Variants in AUTS2 observed in about 807,000 individuals in gnomAD.
AUTS2 encodes the protein autism susceptibility gene 2 protein.
In AUTS2, 17 loss-of-function variants were observed where a neutral mutation model predicts 112.4. That is an observed-to-expected ratio of 0.15 (90% CI 0.10 to 0.23). The LOEUF is 0.23. AUTS2 is among the 10% of genes least tolerant of loss of function. The pLI, the probability that AUTS2 is intolerant of heterozygous loss-of-function variation, is 1.00. For missense variants in AUTS2, 1,510 were observed against 1,701.6 expected, an observed-to-expected ratio of 0.89 and a Z score of 1.98; for synonymous variants, 751 against 702.7, an observed-to-expected ratio of 1.07 and a Z score of -1.09.
At chr7:70,600,206 T>C (rs62455836) in intron 5 of AUTS2, among the ~76,000 whole-genome samples, 3,476 of 152,362 alleles carry the variant, frequency 0.023, 53 homozygotes, top group South Asian at 0.038. Context: ...TCCATCTTAA[T>C]AATAAAATTC....
chr7:69,881,593 C>G (rs985555539), intron 1 of AUTS2, among the ~76,000 whole-genome samples: 4 of 152,106 alleles, frequency 2.6e-5, no homozygotes, highest in African/African-American at 9.7e-5. Flanking sequence ...TCTCTGGTAG[C>G]AGTTAACATG....
At chr7:70,004,390 T>C (rs1057440411) in intron 2 of AUTS2, among the ~76,000 whole-genome samples, 6 of 108,112 alleles carry the variant, frequency 5.5e-5, no homozygotes, top group Admixed American at 2.5e-4. Context: ...ATATATTATA[T>C]ATATGAATAT....
chr7:70,033,822 C>T (rs1025224337), intron 2 of AUTS2, among the ~76,000 whole-genome samples: 3 of 150,786 alleles, frequency 2.0e-5, no homozygotes, highest in East Asian at 2.0e-4. Context: ...CGTGGAGGGG[C>T]GGGGAGGATA....
rs1236216733 is a variant in AUTS2, at chr7:69,995,141, G to GT, written c.522+95650dup. ...TAGAGCCACCACTGATGGATCACAT[G>GT]TTTTTTTCTCAAGAGAGCAAACAAG... On this transcript the variant is annotated intron_variant, in intron 2 of 18. Coordinates refer to ENST00000342771, the MANE Select transcript of AUTS2 (RefSeq NM_015570.4). Among the ~76,000 whole-genome samples, 4 of 152,088 alleles carry GT rather than the reference G, an allele frequency of 2.6e-5. No homozygotes were observed. In the East Asian group the frequency reaches 5.8e-4, roughly 22 times the overall value.
chr7:69,809,717 C>T (rs1279806384), intron 1 of AUTS2, among the ~76,000 whole-genome samples: 1 of 152,164 alleles, frequency 6.6e-6, no homozygotes, highest in Non-Finnish European at 1.5e-5. Context: ...TCCATGATCA[C>T]ATACTGGAAT....
chr7:70,231,612 T>C (rs1263308767), intron 4 of AUTS2, among the ~76,000 whole-genome samples: 2 of 150,974 alleles, frequency 1.3e-5, no homozygotes, highest in Non-Finnish European at 3.0e-5. Context: ...CCAACTAATT[T>C]TTTTGTATTT....
chr7:70,736,042 G>C (rs915175922), intron 6 of AUTS2, among the ~76,000 whole-genome samples: 9 of 151,660 alleles, frequency 5.9e-5, no homozygotes, highest in African/African-American at 2.2e-4. Flanking sequence ...TATTATACGT[G>C]TGTGTGTGTA....
chr7:69,871,134 T>G (rs1793477665), intron 1 of AUTS2, among the ~76,000 whole-genome samples: 1 of 152,204 alleles, frequency 6.6e-6, no homozygotes, highest in Non-Finnish European at 1.5e-5. Context: ...AAGGAAGGAC[T>G]GAAAGGGACT....
intron 2 of AUTS2, among the ~76,000 whole-genome samples, chr7:69,951,728 T>C (rs1797034705): frequency 6.6e-6 from 1 of 152,192 alleles, no homozygotes; most frequent in Non-Finnish European, 1.5e-5. Context: ...GGACTTGCAC[T>C]GTGAAGTGTG....
At chr7:70,180,218 T>G (rs542633752) in intron 4 of AUTS2, among the ~76,000 whole-genome samples, 21 of 152,314 alleles carry the variant, frequency 1.4e-4, no homozygotes, top group African/African-American at 5.1e-4. Flanking sequence ...AAGAAAAATA[T>G]GAAAGGTTGA....
At chr7:70,257,477 C>G (rs570334278) in intron 4 of AUTS2, among the ~76,000 whole-genome samples, 1 of 152,062 alleles carries the variant, frequency 6.6e-6, no homozygotes, top group African/African-American at 2.4e-5. Context: ...GCTACCATGC[C>G]GAGCTAATTT....
rs901853759 is a variant in AUTS2, at chr7:69,854,296, C to A, written c.310-44990C>A. On this transcript the variant is annotated intron_variant, in intron 1 of 18. Transcript: ENST00000342771. ...GAGAAGTCAAGTGATTTGCTAAGGT[C>A]ACTTAGCTAGGGAGTGTTAAAACTG... Among the ~76,000 whole-genome samples, 4 of 152,112 alleles carry A rather than the reference C, an allele frequency of 2.6e-5. No individual in the cohort carries two copies. In the South Asian group the frequency reaches 8.3e-4, roughly 32 times the overall value.
At chr7:69,896,996 T>G (rs1650247294) in intron 1 of AUTS2, among the ~76,000 whole-genome samples, 1 of 152,212 alleles carries the variant, frequency 6.6e-6, no homozygotes, top group Non-Finnish European at 1.5e-5. Flanking sequence ...GTGATTTGAT[T>G]AGTATTTGTC....
chr7:69,899,321 G>T lies in AUTS2; in HGVS notation c.345G>T (p.Glu115Asp), dbSNP rs749437705. Reference protein sequence around the residue: ...DVALKPQERVEKRQTPLTKKK... With the variant: ...DVALKPQERVDKRQTPLTKKK... ...CACTTAAGCCTCAGGAACGTGTGGA[G>T]AAACGCCAGACGCCCCTGACCAAGA... The change falls in exon 2 of 19, where the codon GAG (glutamate) becomes GAT (aspartate). Residue 115 changes from glutamate (E) to aspartate (D), a missense_variant. By Grantham distance (45) the Glu-to-Asp change is conservative. Transcript: ENST00000342771. 5.6e-6 allele frequency: 9 copies of T among 1,613,852 alleles called. No individual in the cohort carries two copies. The Admixed American group carries it at 1.3e-4, about 24-fold the overall frequency.
intron 4 of AUTS2, among the ~76,000 whole-genome samples, chr7:70,287,413 A>G (rs1420658840): frequency 6.6e-6 from 1 of 152,222 alleles, no homozygotes; most frequent in Non-Finnish European, 1.5e-5. Flanking sequence ...TTAGAAATAC[A>G]GTGTTTCCTG....
chr7:70,045,243 A>G (rs1801446954), intron 2 of AUTS2, among the ~76,000 whole-genome samples: 1 of 152,172 alleles, frequency 6.6e-6, no homozygotes, highest in African/African-American at 2.4e-5. Context: ...TAACTACAAA[A>G]CTGGATATTT....
intron 2 of AUTS2, among the ~76,000 whole-genome samples, chr7:69,908,628 G>A (rs1182657625): frequency 6.6e-6 from 1 of 152,208 alleles, no homozygotes; most frequent in East Asian, 1.9e-4. Flanking sequence ...TGCAGAAGCT[G>A]CCACTTCTCC....
At position 69,990,329 on chromosome 7, in the gene AUTS2, A is replaced by G. The variant is rs137946599; in HGVS notation, c.522+90831A>G. On this transcript the variant is annotated intron_variant, in intron 2 of 18. Coordinates refer to ENST00000342771, the MANE Select transcript of AUTS2 (RefSeq NM_015570.4). ...GCCCAGAGGGAAGGGAAATATGCTT[A>G]CCAATTTTGTTCATTGTTACCGTCT... Among the ~76,000 whole-genome samples the G allele has an allele frequency of 2.5e-3, 375 of 152,328 alleles. 2 individuals are homozygous for G. The highest frequency in any genetic ancestry group is 8.5e-3 in the African/African-American group (355 of 41,584).
chr7:70,753,730 AG>A (rs1563173196), intron 6 of AUTS2, among the ~76,000 whole-genome samples: 1 of 152,252 alleles, frequency 6.6e-6, no homozygotes, highest in African/African-American at 2.4e-5. Context: ...AAAACTTAGC[AG>A]GGGGAATTTA....
Sources: gnomAD v4.1 joint callset for allele counts (sites outside exome capture counted in the v4.1 genomes callset) on GRCh38, gnomAD v4.1.1 for gene constraint, MANE v1.5 for transcripts, NCBI Gene and HGNC (gene_info 2026-07-23, HGNC 2026-07-21) for gene names.